NCBP1: variants seen among roughly 807,000 people sequenced by gnomAD.
NCBP1 encodes nuclear cap-binding protein subunit 1.
A neutral mutation model predicts 111.7 loss-of-function variants in NCBP1; 16 were observed. The observed-to-expected ratio is 0.14, with a 90% CI of 0.10 to 0.22. The LOEUF (loss-of-function observed/expected upper bound fraction) is 0.22. NCBP1 is among the 10% of genes least tolerant of loss of function. NCBP1 has a pLI of 1.00. For synonymous variants in NCBP1, 304 were observed against 314.3 expected (o/e 0.97, Z 0.35); for missense variants, 607 against 957.5 (o/e 0.63, Z 4.83).
intron 16 of NCBP1, among the ~76,000 whole-genome samples, chr9:97,661,733 T>G (rs1354481004): frequency 5.0e-5 from 3 of 59,918 alleles, no homozygotes; most frequent in South Asian, 1.4e-3. Flanking sequence ...AGCTTAAGTG[T>G]TTTTTTTTTT....
In NCBP1 at chr9:97,671,232, T is replaced by TG; in HGVS notation, c.*34dup. ...TTTTTCCTCATGTCAAGGTTTTTTT[T>TG]GATATCTTAAAATAATTTGTCTTAT... On this transcript the variant is annotated 3_prime_UTR_variant, in exon 23 of 23. Transcript: ENST00000375147. 1 of 1,432,058 alleles carries TG rather than the reference T, an allele frequency of 7.0e-7. No individual in the cohort carries two copies. Among genetic ancestry groups the TG allele is most frequent in the Non-Finnish European group, 9.7e-7 (1 of 1,030,410 alleles). The allele number at this position is 1,432,058 out of a possible 1,614,324, so 88.7% of individuals were successfully genotyped here.
At chr9:97,657,060 C>G (rs756008696) in intron 14 of NCBP1, among the ~76,000 whole-genome samples, 36 of 152,158 alleles carry the variant, frequency 2.4e-4, no homozygotes, top group Admixed American at 6.5e-5. Context: ...GCGCCACCTC[C>G]GGGTTCACGC....
chr9:97,661,938 T>C (rs1827851027), intron 16 of NCBP1, 104 bp from the exon 17 acceptor site: 1 of 617,562 alleles, frequency 1.6e-6, no homozygotes, highest in Non-Finnish European at 2.7e-6. Context: ...ATTACACAAA[T>C]ATCTGTGTAT....
In NCBP1 at chr9:97,633,836, C is replaced by T; in HGVS notation, c.-46C>T. 8 of 1,557,494 alleles carry T rather than the reference C, an allele frequency of 5.1e-6. No individual in the cohort carries two copies. The highest frequency in any genetic ancestry group is 6.9e-6 in the Non-Finnish European group (8 of 1,157,864). ...GCCAGCGGCCAGACAGTTCCTGCAG[C>T]GCTTACCGCCTGGCCTCTCGGTTCC... On this transcript the variant is annotated 5_prime_UTR_variant, in exon 1 of 23. Coordinates refer to ENST00000375147, the MANE Select transcript of NCBP1 (RefSeq NM_002486.5).
chr9:97,647,044 A>G (rs568622356), intron 6 of NCBP1, among the ~76,000 whole-genome samples: 5 of 151,768 alleles, frequency 3.3e-5, no homozygotes, highest in African/African-American at 1.2e-4. Flanking sequence ...TTTTTAATGT[A>G]CCATGATTTC....
rs1302216715 is a variant in NCBP1, at chr9:97,673,138, A to C, written c.*1939A>C. 6.6e-6 allele frequency: 1 copy of C among 152,248 alleles called. No homozygotes were observed. Among genetic ancestry groups the C allele is most frequent in the African/African-American group, 2.4e-5 (1 of 41,462 alleles). 9.4% of individuals were successfully genotyped at this position (152,248 alleles called of 1,614,324 possible). ...GCGAGGCTCTGTCTCAAAAAAGAAA[A>C]AAAATATATAGCATATAACATACAA... On this transcript the variant is annotated 3_prime_UTR_variant, in exon 23 of 23. Coordinates refer to ENST00000375147, the MANE Select transcript of NCBP1 (RefSeq NM_002486.5).
intron 18 of NCBP1, 105 bp downstream of exon 18, chr9:97,663,152 G>A (rs1587722908): frequency 1.2e-6 from 1 of 848,526 alleles, no homozygotes; most frequent in Admixed American, 2.6e-5. Context: ...ATTTGACTCT[G>A]CCTAGATAAT....
chr9:97,640,699 C>G, intron 1 of NCBP1, 95 bp from the exon 2 acceptor site: 1 of 924,276 alleles, frequency 1.1e-6, no homozygotes, highest in East Asian at 2.5e-5. Flanking sequence ...AAACATAGGG[C>G]CTGGTAGAAA....
At chr9:97,655,447 T>C (rs976482815) in intron 12 of NCBP1, among the ~76,000 whole-genome samples, 2 of 152,328 alleles carry the variant, frequency 1.3e-5, no homozygotes, top group African/African-American at 4.8e-5. Context: ...GAAAATAATA[T>C]GTACCTTGGA....
At chr9:97,636,491 TAAATTTATATTTATATATTATAA>T (rs1160303738) in intron 1 of NCBP1, among the ~76,000 whole-genome samples, 3 of 30,588 alleles carry the variant, frequency 9.8e-5, no homozygotes, top group African/African-American at 2.1e-4. Flanking sequence ...ATATATTATA[TAAATTTATATTTATATATTATAA>T]ATTTATATTT....
chr9:97,644,857 T>C (rs943535298), intron 4 of NCBP1, among the ~76,000 whole-genome samples: 3 of 152,238 alleles, frequency 2.0e-5, no homozygotes, highest in Non-Finnish European at 2.9e-5. Flanking sequence ...GCTATTCCAC[T>C]AAGTTTACTT....
chr9:97,661,127 A>G (rs1827822510), intron 16 of NCBP1, 59 bp downstream of exon 16: 2 of 1,592,198 alleles, frequency 1.3e-6, no homozygotes, highest in East Asian at 4.5e-5. Context: ...TAAAGCATAA[A>G]CATAACTCTG....
intron 1 of NCBP1, among the ~76,000 whole-genome samples, chr9:97,640,388 A>G (rs1019602781): frequency 1.3e-5 from 2 of 152,144 alleles, no homozygotes; most frequent in African/African-American, 2.4e-5. Flanking sequence ...TACTGGTACT[A>G]ACAGGTTTCG....
intron 10 of NCBP1, among the ~76,000 whole-genome samples, chr9:97,653,117 TTC>T (rs1827544697): frequency 6.9e-6 from 1 of 145,920 alleles, no homozygotes; most frequent in Non-Finnish European, 1.5e-5. Flanking sequence ...TCTAAAAGAA[TTC>T]TTTTTTTTTT....
Position 97,641,452 on chromosome 9 carries a change from T to C in NCBP1, c.124-110T>C, listed in dbSNP as rs1827202375. On this transcript the variant is annotated intron_variant, in intron 2 of 22. Transcript: ENST00000375147. ...AAAGGACAGATGATTGGTAATGATT[T>C]TAAAATGATAGATTTTAAAATATGT... 20 of 840,198 alleles carry C rather than the reference T, an allele frequency of 2.4e-5. No individual in the cohort carries two copies. The South Asian group carries it at 7.6e-4, about 32-fold the overall frequency. 52.0% of individuals were successfully genotyped at this position (840,198 alleles called of 1,614,324 possible). A position where few individuals can be genotyped will look rare whatever the true frequency, so the allele number is the denominator to read the frequency against.
Position 97,643,184 on chromosome 9 carries a change from A to G in NCBP1, c.225-20A>G, listed in dbSNP as rs1233782501. 2 of 1,564,272 alleles carry G rather than the reference A, an allele frequency of 1.3e-6. No individual in the cohort carries two copies. The highest frequency in any genetic ancestry group is 2.8e-5 in the African/African-American group (2 of 71,240). Reference sequence around the variant, plus strand: ...GCCATTGTTTTGGGGTTTTCTTGTTATACTGGGTTCTTAAATCAGTGCACG... The same window carrying G: ...GCCATTGTTTTGGGGTTTTCTTGTTGTACTGGGTTCTTAAATCAGTGCACG... On this transcript the variant is annotated intron_variant, in intron 3 of 22. Coordinates refer to ENST00000375147, the MANE Select transcript of NCBP1 (RefSeq NM_002486.5).
At chr9:97,653,102 C>G (rs1030490776) in intron 10 of NCBP1, among the ~76,000 whole-genome samples, 1 of 150,588 alleles carries the variant, frequency 6.6e-6, no homozygotes, top group African/African-American at 2.5e-5. Flanking sequence ...TTCCTGACCC[C>G]AAAGTCTAAA....
intron 19 of NCBP1, among the ~76,000 whole-genome samples, chr9:97,664,853 A>G (rs1328794056): frequency 6.6e-6 from 1 of 152,216 alleles, no homozygotes; most frequent in Non-Finnish European, 1.5e-5. Flanking sequence ...AAGTAGAGTA[A>G]ATCATGGAGG....
chr9:97,636,658 A>G (rs989058455), intron 1 of NCBP1, among the ~76,000 whole-genome samples: 16 of 143,572 alleles, frequency 1.1e-4, no homozygotes, highest in African/African-American at 3.5e-4. Context: ...ATATATATAT[A>G]TATATATATA....
Sources: gnomAD v4.1 joint callset for allele counts (sites outside exome capture counted in the v4.1 genomes callset) on GRCh38, gnomAD v4.1.1 for gene constraint, MANE v1.5 for transcripts, NCBI Gene and HGNC (gene_info 2026-07-23, HGNC 2026-07-21) for gene names.